Variants in IFNGR1 observed in about 807,000 individuals in gnomAD.
IFNGR1 encodes interferon gamma receptor 1.
IFNGR1 carries 23 observed loss-of-function variants against 35.4 expected under a neutral mutation model. The ratio of observed to expected loss-of-function variants is 0.65; its 90% confidence interval spans 0.47 to 0.92. The LOEUF is 0.92. IFNGR1 is among the 40% of genes least tolerant of loss of function. The probability of loss-of-function intolerance (pLI) is 0.00; values close to 1 mark genes in which losing one functional copy is unlikely to be tolerated. For missense variants in IFNGR1, 533 were observed against 583.4 expected, an observed-to-expected ratio of 0.91 and a Z score of 0.89; for synonymous variants, 199 against 209.5, an observed-to-expected ratio of 0.95 and a Z score of 0.43.
At position 137,204,354 on chromosome 6, in the gene IFNGR1, T is replaced by C. The variant is rs1318817442; in HGVS notation, c.524A>G (p.Tyr175Cys). The C allele has an allele frequency of 2.5e-6, 4 of 1,613,842 alleles. No individual in the cohort carries two copies. The highest frequency in any genetic ancestry group is 3.3e-5 in the Admixed American group (2 of 60,026). Residue 175 changes from tyrosine (Y) to cysteine (C), a missense_variant, in exon 4 of 7, where the codon TAT becomes TGT. Tyr to Cys is a radical substitution (Grantham distance 194). Coordinates refer to ENST00000367739, the MANE Select transcript of IFNGR1 (RefSeq NM_000416.3). Reference sequence around the variant, plus strand: ...TACCTCACTTCCGTTCATTCTCACATACACATTGTACACCCTAATGTAACA... The same window carrying C: ...TACCTCACTTCCGTTCATTCTCACACACACATTGTACACCCTAATGTAACA... ...TTCYIRVYNV[Y>C]VRMNGSEIQY...
At chr6:137,212,705 G>C (rs1779605580) in intron 1 of IFNGR1, among the ~76,000 whole-genome samples, 1 of 152,200 alleles carries the variant, frequency 6.6e-6, no homozygotes, top group Non-Finnish European at 1.5e-5. Context: ...AGGGGCTACT[G>C]AATCACACAA....
chr6:137,210,583 A>C (rs1779551135), intron 1 of IFNGR1, among the ~76,000 whole-genome samples: 3 of 152,208 alleles, frequency 2.0e-5, no homozygotes, highest in Admixed American at 2.0e-4. Flanking sequence ...ACTTATAATC[A>C]TCCTCAAAAA....
intron 1 of IFNGR1, among the ~76,000 whole-genome samples, chr6:137,216,567 C>T (rs1779701362): frequency 6.6e-6 from 1 of 152,168 alleles, no homozygotes; most frequent in African/African-American, 2.4e-5. Context: ...CTTACCAGGT[C>T]CTCTCATCTA....
At chr6:137,204,992 T>C (rs1779396995) in intron 3 of IFNGR1, among the ~76,000 whole-genome samples, 1 of 152,240 alleles carries the variant, frequency 6.6e-6, no homozygotes, top group Non-Finnish European at 1.5e-5. Context: ...TGAGACTTTG[T>C]TGTGAACCAT....
intron 3 of IFNGR1, among the ~76,000 whole-genome samples, chr6:137,204,907 C>T (rs1460750750): frequency 2.0e-5 from 3 of 152,146 alleles, no homozygotes; most frequent in Non-Finnish European, 4.4e-5. Context: ...CATTAGTTTT[C>T]TTCCCTCATC....
intron 3 of IFNGR1, among the ~76,000 whole-genome samples, 196 bp from the exon 4 acceptor site, chr6:137,204,700 C>T (rs377724725): frequency 3.7e-4 from 57 of 152,178 alleles, no homozygotes; most frequent in Middle Eastern, 6.8e-3. Flanking sequence ...TTTCATAAAT[C>T]TCAGGCAAGA....
intron 1 of IFNGR1, among the ~76,000 whole-genome samples, chr6:137,209,149 C>T (rs1041122258): frequency 1.1e-4 from 16 of 152,286 alleles, no homozygotes; most frequent in Middle Eastern, 3.4e-3. Context: ...GCTGTATTTA[C>T]CCAATACCTG....
intron 1 of IFNGR1, chr6:137,218,978 G>A (rs1323097707): frequency 5.3e-6 from 3 of 566,198 alleles, no homozygotes; most frequent in Non-Finnish European, 6.3e-6. Context: ...TTTAAAAGTG[G>A]ATTACAAGAG....
rs985082838 is a variant in IFNGR1 at position 137,197,995 on chromosome 6, A to C, written c.*36T>G. 6.2e-7 allele frequency: 1 copy of C among 1,613,394 alleles called. No individual in the cohort carries two copies. The highest frequency in any genetic ancestry group is 1.7e-5 in the Admixed American group (1 of 60,008). ...AATTAAAGCAGAAAACTGTCCAGGA[A>C]AATCAGACTTCAAAGTTGGTGCAAC... On this transcript the variant is annotated 3_prime_UTR_variant, in exon 7 of 7. Coordinates refer to ENST00000367739, the MANE Select transcript of IFNGR1 (RefSeq NM_000416.3).
At chr6:137,199,959 T>C (rs994797186) in intron 6 of IFNGR1, among the ~76,000 whole-genome samples, 3 of 152,158 alleles carry the variant, frequency 2.0e-5, no homozygotes, top group Non-Finnish European at 4.4e-5. Context: ...TACGTCACTA[T>C]TACACTGAAT....
intron 5 of IFNGR1, among the ~76,000 whole-genome samples, chr6:137,202,377 A>G (rs1183207043): frequency 1.3e-5 from 2 of 152,316 alleles, no homozygotes; most frequent in Non-Finnish European, 1.5e-5. Flanking sequence ...GAAGGGTTTT[A>G]TTTTTCAAAT....
chr6:137,214,893 T>C (rs1300111958), intron 1 of IFNGR1, among the ~76,000 whole-genome samples: 1 of 152,264 alleles, frequency 6.6e-6, no homozygotes, highest in African/African-American at 2.4e-5. Context: ...CTGAGCCTGT[T>C]TTAAGTTTCT....
chr6:137,216,639 C>G (rs1779702869), intron 1 of IFNGR1, among the ~76,000 whole-genome samples: 1 of 152,142 alleles, frequency 6.6e-6, no homozygotes, highest in Non-Finnish European at 1.5e-5. Context: ...GGAAGCTAAG[C>G]AAGAGCCAGA....
intron 5 of IFNGR1, 39 bp from the exon 6 acceptor site, chr6:137,201,047 G>T (rs746259516): frequency 6.2e-7 from 1 of 1,601,252 alleles, no homozygotes; most frequent in Non-Finnish European, 8.6e-7. Flanking sequence ...AATTAAGATG[G>T]AATACTGCTA....
At chr6:137,202,067 C>A (rs1779291011) in intron 5 of IFNGR1, among the ~76,000 whole-genome samples, 1 of 151,910 alleles carries the variant, frequency 6.6e-6, no homozygotes, top group South Asian at 2.1e-4. Context: ...ATTTTGTTAC[C>A]CAGAATTTTC....
rs528982082 is a variant in IFNGR1, at chr6:137,209,707, A to G, written c.86-2630T>C. On this transcript the variant is annotated intron_variant, in intron 1 of 6. Transcript: ENST00000367739. Reference sequence around the variant, plus strand: ...GGGTATGTCTTTATCAGCAGCACGAAAACAGACTAATACAAATGTCTACAG... The same window carrying G: ...GGGTATGTCTTTATCAGCAGCACGAGAACAGACTAATACAAATGTCTACAG... The G allele has an allele frequency of 2.0e-4, 80 of 398,760 alleles. No individual in the cohort carries two copies. The East Asian group carries it at 2.8e-3, about 14-fold the overall frequency. 24.7% of individuals were successfully genotyped at this position (398,760 alleles called of 1,614,324 possible).
chr6:137,204,611 G>T (rs1779385943), intron 3 of IFNGR1, 107 bp from the exon 4 acceptor site: 4 of 973,142 alleles, frequency 4.1e-6, no homozygotes, highest in Non-Finnish European at 6.4e-6. Flanking sequence ...TTTTGTTCTG[G>T]TTGTTCTAAA....
Position 137,206,258 on chromosome 6 carries a change from T to A in IFNGR1, c.251A>T (p.Tyr84Phe), listed in dbSNP as rs180680034. 2.5e-6 allele frequency: 4 copies of A among 1,610,060 alleles called. No homozygotes were observed. The African/African-American group carries it at 5.3e-5, about 22-fold the overall frequency. Residue 84 changes from tyrosine (Y) to phenylalanine (F), a missense_variant, in exon 3 of 7, where the codon TAT becomes TTT. Tyr to Phe is a conservative substitution (Grantham distance 22, BLOSUM62 3). Transcript: ENST00000367739. ...ACCAACATGATCAGAAATATTACAATAATGATGAGAAATATTGATGCAGGC... is the reference window on the plus strand; with the variant it reads ...ACCAACATGATCAGAAATATTACAAAAATGATGAGAAATATTGATGCAGGC... ...IDACINISHH[Y>F]CNISDHVGDP...
At chr6:137,208,210 T>C (rs533976961) in intron 1 of IFNGR1, among the ~76,000 whole-genome samples, 1 of 152,328 alleles carries the variant, frequency 6.6e-6, no homozygotes, top group African/African-American at 2.4e-5. Flanking sequence ...ACTTGCGTGC[T>C]GTTAAAGGCA....
Sources: allele counts gnomAD v4.1 joint callset (sites outside exome capture counted in the v4.1 genomes callset), GRCh38; gene constraint gnomAD v4.1.1; transcripts MANE v1.5; gene names NCBI Gene and HGNC (gene_info 2026-07-23, HGNC 2026-07-21).